The following SORCS1 variants were observed in gnomAD, a reference collection of about 807,000 sequenced individuals.
SORCS1 encodes sortilin related VPS10 domain containing receptor 1, also known as VPS10 domain-containing receptor SorCS1.
In SORCS1, 60 loss-of-function variants were observed where a neutral mutation model predicts 146.1. That is an observed-to-expected ratio of 0.41 (90% CI 0.33 to 0.51). The LOEUF (loss-of-function observed/expected upper bound fraction) is 0.51. Ranked by LOEUF, SORCS1 falls within the 20% of genes least tolerant of loss-of-function variation. The pLI is 0.21. For synonymous variants in SORCS1, 637 were observed against 584.0 expected (o/e 1.09, Z -1.31); for missense variants, 1,352 against 1,487.6 (o/e 0.91, Z 1.50).
At chr10:106,673,874 G>A (rs1235387201) in intron 14 of SORCS1, among the ~76,000 whole-genome samples, 2 of 152,024 alleles carry the variant, frequency 1.3e-5, no homozygotes, top group African/African-American at 4.8e-5. Flanking sequence ...TGGCCTGTTG[G>A]GTCAGTTTTT....
At chr10:107,055,376 A>G (rs1286617241) in intron 1 of SORCS1, among the ~76,000 whole-genome samples, 1 of 151,040 alleles carries the variant, frequency 6.6e-6, no homozygotes, top group African/African-American at 2.5e-5. Flanking sequence ...AGTTTAAGTT[A>G]TACAGGCAGG....
At chr10:106,674,544 G>A (rs1851881959) in intron 14 of SORCS1, among the ~76,000 whole-genome samples, 1 of 151,938 alleles carries the variant, frequency 6.6e-6, no homozygotes, top group African/African-American at 2.4e-5. Flanking sequence ...CCCATAGGCA[G>A]CGTCATTAAT....
chr10:106,675,810 C>A (rs779276837), intron 13 of SORCS1, among the ~76,000 whole-genome samples: 1 of 152,078 alleles, frequency 6.6e-6, no homozygotes, highest in Non-Finnish European at 1.5e-5. Flanking sequence ...AAGGGTGGAC[C>A]ACCCATGAAA....
intron 1 of SORCS1, among the ~76,000 whole-genome samples, chr10:107,004,873 G>A (rs187145037): frequency 8.4e-4 from 128 of 152,186 alleles, no homozygotes; most frequent in African/African-American, 2.8e-3. Context: ...GGGTGGGTGG[G>A]CCTGTGCGTG....
intron 17 of SORCS1, among the ~76,000 whole-genome samples, chr10:106,661,938 A>G (rs1427028643): frequency 6.6e-6 from 1 of 152,234 alleles, no homozygotes; most frequent in Non-Finnish European, 1.5e-5. Context: ...CAGGGAGCCA[A>G]TCGTGGAGAA....
chr10:106,673,278 C>T (rs966584052), intron 14 of SORCS1, among the ~76,000 whole-genome samples: 5 of 152,006 alleles, frequency 3.3e-5, no homozygotes, highest in East Asian at 1.9e-4. Context: ...ATTACAGGCA[C>T]GAGCCACCAC....
chr10:106,764,745 C>A (rs948654660), intron 4 of SORCS1, among the ~76,000 whole-genome samples: 1 of 152,028 alleles, frequency 6.6e-6, no homozygotes, highest in Non-Finnish European at 1.5e-5. Flanking sequence ...CATTCTTGGC[C>A]GGGCGCGGTG....
At chr10:107,048,987 C>T (rs1020565577) in intron 1 of SORCS1, among the ~76,000 whole-genome samples, 4 of 151,976 alleles carry the variant, frequency 2.6e-5, no homozygotes, top group African/African-American at 7.2e-5. Flanking sequence ...TGCGGCACTA[C>T]TCACAATAGC....
intron 2 of SORCS1, among the ~76,000 whole-genome samples, chr10:106,850,071 G>A (rs12777324): frequency 2.6e-5 from 4 of 151,912 alleles, no homozygotes; most frequent in African/African-American, 7.3e-5. Flanking sequence ...GAGGTGGAGT[G>A]TACAGAGGCA....
intron 1 of SORCS1, among the ~76,000 whole-genome samples, chr10:107,067,345 A>C (rs1961974747): frequency 6.7e-6 from 1 of 148,204 alleles, no homozygotes; most frequent in Non-Finnish European, 1.5e-5. Context: ...GCAGACACTT[A>C]TCTGGGTAAC....
chr10:106,989,397 G>A (rs1198064628), intron 1 of SORCS1, among the ~76,000 whole-genome samples: 5 of 151,122 alleles, frequency 3.3e-5, no homozygotes, highest in Non-Finnish European at 7.4e-5. Flanking sequence ...TAAACTTGAT[G>A]TATGGGAACT....
At chr10:107,011,167 T>C (rs1589922962) in intron 1 of SORCS1, among the ~76,000 whole-genome samples, 1 of 152,206 alleles carries the variant, frequency 6.6e-6, no homozygotes, top group Non-Finnish European at 1.5e-5. Context: ...CTCTTAACTT[T>C]TTGGCTGTGG....
chr10:106,891,899 G>A (rs999156464), intron 2 of SORCS1, among the ~76,000 whole-genome samples: 26 of 152,124 alleles, frequency 1.7e-4, no homozygotes, highest in Middle Eastern at 3.4e-3. Context: ...CTTTCATTTC[G>A]TGTGAGGGTC....
At chr10:107,010,539 T>C (rs1957653019) in intron 1 of SORCS1, among the ~76,000 whole-genome samples, 1 of 152,168 alleles carries the variant, frequency 6.6e-6, no homozygotes, top group Admixed American at 6.5e-5. Flanking sequence ...ACTCAGTTCA[T>C]CTCCCCTGCA....
At chr10:107,168,278 T>A (rs1012983987), upstream of SORCS1, among the ~76,000 whole-genome samples, 2 of 152,184 alleles carry the variant, frequency 1.3e-5, no homozygotes, top group Admixed American at 6.5e-5. Context: ...ATATACAACC[T>A]TAGAGAGACT....
chr10:106,750,369 C>T, intron 5 of SORCS1, among the ~76,000 whole-genome samples: 1 of 152,032 alleles, frequency 6.6e-6, no homozygotes, highest in East Asian at 1.9e-4. Context: ...GTGATGGGCT[C>T]ACACTGCAGA....
At chr10:106,912,635 C>A (rs1952221019) in intron 2 of SORCS1, among the ~76,000 whole-genome samples, 1 of 152,040 alleles carries the variant, frequency 6.6e-6, no homozygotes, top group African/African-American at 2.4e-5. Flanking sequence ...CTGGTTCTAC[C>A]CCATGCATCC....
At chr10:106,886,999 A>G (rs1465812178) in intron 2 of SORCS1, among the ~76,000 whole-genome samples, 1 of 152,246 alleles carries the variant, frequency 6.6e-6, no homozygotes, top group African/African-American at 2.4e-5. Flanking sequence ...AATGGTCTTC[A>G]TAAATGAGAG....
intron 2 of SORCS1, among the ~76,000 whole-genome samples, chr10:106,951,808 C>T (rs752744858): frequency 6.6e-6 from 1 of 152,138 alleles, no homozygotes; most frequent in Non-Finnish European, 1.5e-5. Context: ...CTAAGACTTG[C>T]CTGAGGTCAT....
Sources: allele counts gnomAD v4.1 joint callset (sites outside exome capture counted in the v4.1 genomes callset), GRCh38; gene constraint gnomAD v4.1.1; transcripts MANE v1.5; gene names NCBI Gene and HGNC (gene_info 2026-07-23, HGNC 2026-07-21).